CNTNAP2: variants seen among roughly 807,000 people sequenced by gnomAD.
CNTNAP2 encodes contactin-associated protein-like 2.
In CNTNAP2, 98 loss-of-function variants were observed where a neutral mutation model predicts 155.2. The observed-to-expected ratio is 0.63, with a 90% CI of 0.54 to 0.75. The LOEUF (loss-of-function observed/expected upper bound fraction) is 0.75, where lower values mean the gene tolerates loss of function less well. CNTNAP2 is among the 30% of genes least tolerant of loss of function. The pLI is 0.00. For synonymous variants in CNTNAP2, 651 were observed against 631.2 expected (o/e 1.03, Z -0.47); for missense variants, 1,727 against 1,688.1 (o/e 1.02, Z -0.40).
At chr7:147,779,337 G>C (rs1406076084) in intron 13 of CNTNAP2, among the ~76,000 whole-genome samples, 1 of 152,136 alleles carries the variant, frequency 6.6e-6, no homozygotes, top group Non-Finnish European at 1.5e-5. Context: ...TAAGATTTTT[G>C]ATGAAAATGT....
intron 11 of CNTNAP2, among the ~76,000 whole-genome samples, chr7:147,500,971 C>T (rs1389966683): frequency 6.6e-6 from 1 of 151,874 alleles, no homozygotes; most frequent in East Asian, 1.9e-4. Flanking sequence ...AGCATACATG[C>T]AAAAATCTTC....
chr7:146,486,802 A>G (rs1400319324), intron 1 of CNTNAP2, among the ~76,000 whole-genome samples: 3 of 152,176 alleles, frequency 2.0e-5, no homozygotes, highest in Non-Finnish European at 2.9e-5. Flanking sequence ...CAAGCCTGAA[A>G]GAATCGAAAG....
At chr7:147,284,525 A>G (rs1805133898) in intron 8 of CNTNAP2, among the ~76,000 whole-genome samples, 1 of 151,906 alleles carries the variant, frequency 6.6e-6, no homozygotes, top group Admixed American at 6.6e-5. Context: ...TTAATAACAA[A>G]TCAATATTTT....
intron 21 of CNTNAP2, among the ~76,000 whole-genome samples, chr7:148,326,097 G>A (rs989854881): frequency 2.0e-5 from 3 of 151,344 alleles, no homozygotes; most frequent in Non-Finnish European, 1.5e-5. Context: ...ACACCCAAGT[G>A]CACCCAAGAG....
chr7:148,413,601 T>A (rs1459948193), intron 23 of CNTNAP2, among the ~76,000 whole-genome samples: 1 of 151,214 alleles, frequency 6.6e-6, no homozygotes. Context: ...TTAGTAGTAT[T>A]GTTCGAGTCT....
At chr7:147,366,507 T>C (rs1314871047) in intron 9 of CNTNAP2, among the ~76,000 whole-genome samples, 1 of 152,076 alleles carries the variant, frequency 6.6e-6, no homozygotes, top group East Asian at 1.9e-4. Context: ...TAAAATCTAA[T>C]TCTTTCATAG....
chr7:147,287,324 G>A (rs1424104724), intron 8 of CNTNAP2, among the ~76,000 whole-genome samples: 1 of 152,086 alleles, frequency 6.6e-6, no homozygotes, highest in Admixed American at 6.6e-5. Context: ...TATCATCGGG[G>A]TAATTAGATA....
chr7:146,136,589 G>C (rs1797801118), intron 1 of CNTNAP2, among the ~76,000 whole-genome samples: 1 of 152,098 alleles, frequency 6.6e-6, no homozygotes, highest in Non-Finnish European at 1.5e-5. Context: ...AGTTCATGCT[G>C]TGCTCTCTCG....
At chr7:147,760,289 C>T (rs1450115057) in intron 13 of CNTNAP2, among the ~76,000 whole-genome samples, 1 of 151,842 alleles carries the variant, frequency 6.6e-6, no homozygotes, top group African/African-American at 2.4e-5. Context: ...GTTTTCCCCT[C>T]GTCTTTGTGA....
At chr7:146,541,379 A>G (rs145324714) in intron 1 of CNTNAP2, among the ~76,000 whole-genome samples, 9 of 152,160 alleles carry the variant, frequency 5.9e-5, no homozygotes, top group African/African-American at 2.2e-4. Flanking sequence ...CTATGGATTT[A>G]ACACTCTAAG....
intron 16 of CNTNAP2, among the ~76,000 whole-genome samples, chr7:148,141,775 A>C (rs1805077128): frequency 6.6e-6 from 1 of 152,236 alleles, no homozygotes; most frequent in South Asian, 2.1e-4. Flanking sequence ...TAGAATGTTT[A>C]GGGATGGAGT....
chr7:147,369,938 A>C (rs1425900530), intron 9 of CNTNAP2, among the ~76,000 whole-genome samples: 1 of 152,218 alleles, frequency 6.6e-6, no homozygotes, highest in Non-Finnish European at 1.5e-5. Flanking sequence ...CTAGCTTGTC[A>C]CACGTGGTCG....
At chr7:148,268,510 A>C (rs1469299627) in intron 21 of CNTNAP2, among the ~76,000 whole-genome samples, 1 of 151,558 alleles carries the variant, frequency 6.6e-6, no homozygotes, top group East Asian at 2.0e-4. Flanking sequence ...AAAAAATTAG[A>C]CGGGCGTGGT....
intron 13 of CNTNAP2, among the ~76,000 whole-genome samples, chr7:147,795,523 G>A (rs982987054): frequency 6.6e-6 from 1 of 151,878 alleles, no homozygotes; most frequent in Non-Finnish European, 1.5e-5. Flanking sequence ...TGTTCAGGTG[G>A]TAAGGAGAAG....
intron 15 of CNTNAP2, among the ~76,000 whole-genome samples, chr7:148,048,653 T>A (rs965944469): frequency 6.6e-6 from 1 of 152,038 alleles, no homozygotes; most frequent in African/African-American, 2.4e-5. Flanking sequence ...TTCGAGAAGA[T>A]CACCTAAAAT....
intron 13 of CNTNAP2, among the ~76,000 whole-genome samples, chr7:147,892,113 T>G (rs1799706479): frequency 6.6e-6 from 1 of 151,958 alleles, no homozygotes; most frequent in East Asian, 1.9e-4. Flanking sequence ...TCCTAACAAA[T>G]GAGAAATGAC....
chr7:146,331,160 C>T (rs1369891138), intron 1 of CNTNAP2, among the ~76,000 whole-genome samples: 1 of 151,782 alleles, frequency 6.6e-6, no homozygotes, highest in Non-Finnish European at 1.5e-5. Context: ...AAAAATTAGC[C>T]GGGCGTGGTA....
intron 1 of CNTNAP2, among the ~76,000 whole-genome samples, chr7:146,633,832 G>GAAAAAAAAAAAAAAAAAAAAAAAAAAA (rs60993956): frequency 6.3e-5 from 5 of 79,048 alleles, no homozygotes; most frequent in Non-Finnish European, 6.7e-5. Flanking sequence ...TGCATCTAGA[G>GAAAAAAAAAAAAAAAAAAAAAAAAAAA]AAAAAAAAAA....
intron 21 of CNTNAP2, among the ~76,000 whole-genome samples, chr7:148,288,592 CT>C (rs1797131920): frequency 6.6e-6 from 1 of 152,112 alleles, no homozygotes; most frequent in Admixed American, 6.5e-5. Flanking sequence ...TAATGTAAAA[CT>C]ATTAAATTAA....
Sources: allele counts gnomAD v4.1 joint callset (sites outside exome capture counted in the v4.1 genomes callset), GRCh38; gene constraint gnomAD v4.1.1; transcripts MANE v1.5; gene names NCBI Gene and HGNC (gene_info 2026-07-23, HGNC 2026-07-21).